HPSE2: variants seen among roughly 807,000 people sequenced by gnomAD.
HPSE2 encodes the protein inactive heparanase-2.
HPSE2 carries 38 observed loss-of-function variants against 60.5 expected under a neutral mutation model. The observed-to-expected ratio is 0.63, with a 90% CI of 0.48 to 0.82. The LOEUF (loss-of-function observed/expected upper bound fraction) is 0.82. Among genes scored for constraint, HPSE2 ranks in the 40% least tolerant of loss-of-function variants. HPSE2 has a pLI of 0.00. For synonymous variants in HPSE2, 295 were observed against 293.2 expected (o/e 1.01, Z -0.06); for missense variants, 713 against 740.4 (o/e 0.96, Z 0.43).
intron 3 of HPSE2, among the ~76,000 whole-genome samples, chr10:99,140,517 A>C (rs1021809348): frequency 1.3e-5 from 2 of 152,208 alleles, no homozygotes; most frequent in African/African-American, 2.4e-5. Context: ...AGAATGCTGC[A>C]CACATATGAT....
At chr10:99,288,317 A>G in the HPSE2 span, among the ~76,000 whole-genome samples, 11 of 152,176 alleles carry the variant, frequency 7.2e-5, no homozygotes, top group African/African-American at 1.4e-4. Flanking sequence ...TAGCTTACAC[A>G]TAAGTTCCAT....
At chr10:98,985,753 T>C (rs1412669448) in intron 3 of HPSE2, among the ~76,000 whole-genome samples, 1 of 152,032 alleles carries the variant, frequency 6.6e-6, no homozygotes, top group Non-Finnish European at 1.5e-5. Context: ...ACCCATCTCA[T>C]ATGCAGAGAC....
chr10:99,293,119 T>C, the HPSE2 span, among the ~76,000 whole-genome samples: 1 of 152,136 alleles, frequency 6.6e-6, no homozygotes, highest in Non-Finnish European at 1.5e-5. Flanking sequence ...TAGCTACCCA[T>C]ACCCCACATA....
At chr10:99,112,420 TTGTTTTGTTTTG>T (rs910759286) in intron 3 of HPSE2, among the ~76,000 whole-genome samples, 2 of 18,466 alleles carry the variant, frequency 1.1e-4, no homozygotes, top group African/African-American at 1.3e-4. Context: ...TTGTTGTGTT[TTGTTTTGTTTTG>T]TTTTGTTTTG....
In HPSE2 at chr10:98,693,958, T is replaced by C; in HGVS notation, c.957-11A>G. ...GCCACCTTCATGAATCTGTAAGGAA[T>C]AGAAAGAAAAAAGATATTACAACTT... is the stretch of plus-strand genomic sequence containing the variant. On this transcript the variant is annotated splice_polypyrimidine_tract_variant and intron_variant, in intron 5 of 11. Coordinates refer to ENST00000370552, the MANE Select transcript of HPSE2 (RefSeq NM_021828.5). The C allele has an allele frequency of 5.0e-6, 8 of 1,586,984 alleles. No individual in the cohort carries two copies. Among genetic ancestry groups the C allele is most frequent in the Non-Finnish European group, 6.9e-6 (8 of 1,160,236 alleles).
intron 3 of HPSE2, among the ~76,000 whole-genome samples, chr10:98,792,086 C>G (rs1205823776): frequency 6.6e-6 from 1 of 152,056 alleles, no homozygotes; most frequent in Non-Finnish European, 1.5e-5. Flanking sequence ...TAATATTGAG[C>G]TAAACCAAAA....
intron 2 of HPSE2, among the ~76,000 whole-genome samples, chr10:99,226,036 A>G (rs536211168): frequency 9.2e-5 from 14 of 152,164 alleles, no homozygotes; most frequent in African/African-American, 3.4e-4. Flanking sequence ...TTTAACAAAA[A>G]TGTGTAAATA....
At chr10:99,132,494 G>A (rs945334262) in intron 3 of HPSE2, among the ~76,000 whole-genome samples, 2 of 152,124 alleles carry the variant, frequency 1.3e-5, no homozygotes, top group African/African-American at 2.4e-5. Context: ...ATCTCCCAGC[G>A]AGATCGATGC....
intron 3 of HPSE2, among the ~76,000 whole-genome samples, chr10:99,119,063 GAGAGAAAGAAAGAA>G (rs536892602): frequency 0.011 from 1,448 of 127,802 alleles, 20 homozygotes; most frequent in African/African-American, 0.036. Flanking sequence ...GAAAGAAAGA[GAGAGAAAGAAAGAA>G]AGAGAAAGAA....
chr10:98,940,457 C>T lies in HPSE2; in HGVS notation c.611-196401G>A, dbSNP rs375690924. ...CCATCAGAGAATACTACAAACACCTCTACGCAAATAAACTAGAAAATCTAG... is the reference window on the plus strand; with the variant it reads ...CCATCAGAGAATACTACAAACACCTTTACGCAAATAAACTAGAAAATCTAG... On this transcript the variant is annotated intron_variant, in intron 3 of 11. Coordinates refer to ENST00000370552, the MANE Select transcript of HPSE2 (RefSeq NM_021828.5). Among the ~76,000 whole-genome samples the T allele has an allele frequency of 9.7e-4, 139 of 143,918 alleles. 12 individuals are homozygous for T. In the East Asian group the frequency reaches 0.026, roughly 27 times the overall value. The allele number at this position is 143,918 out of a possible 152,430, so 94.4% of individuals were successfully genotyped here. A position where few individuals can be genotyped will look rare whatever the true frequency, so the allele number is the denominator to read the frequency against.
At chr10:99,191,303 C>T (rs540487369) in intron 2 of HPSE2, among the ~76,000 whole-genome samples, 1 of 152,120 alleles carries the variant, frequency 6.6e-6, no homozygotes, top group African/African-American at 2.4e-5. Flanking sequence ...GAACTGTCAC[C>T]GAGACCCAAT....
At chr10:98,505,075 C>T (rs1319726318) in intron 9 of HPSE2, among the ~76,000 whole-genome samples, 1 of 152,112 alleles carries the variant, frequency 6.6e-6, no homozygotes, top group East Asian at 1.9e-4. Context: ...TGTGAACATC[C>T]TACAATTTAT....
At chr10:98,801,996 C>G (rs118140384) in intron 3 of HPSE2, among the ~76,000 whole-genome samples, 183 of 152,146 alleles carry the variant, frequency 1.2e-3, no homozygotes, top group East Asian at 0.01. Context: ...AAAACATAGA[C>G]CAACAGAACA....
intron 3 of HPSE2, among the ~76,000 whole-genome samples, chr10:98,888,424 A>T (rs1011791025): frequency 1.3e-4 from 20 of 152,134 alleles, no homozygotes; most frequent in African/African-American, 4.8e-4. Context: ...GACTATCCTA[A>T]TTTTTGTACT....
At chr10:98,890,246 A>G (rs1469633496) in intron 3 of HPSE2, among the ~76,000 whole-genome samples, 5 of 152,204 alleles carry the variant, frequency 3.3e-5, no homozygotes, top group Non-Finnish European at 7.3e-5. Context: ...AGAAATCATT[A>G]TAAGAAAAAA....
At chr10:98,732,676 C>T (rs1019032370) in intron 4 of HPSE2, among the ~76,000 whole-genome samples, 1 of 151,994 alleles carries the variant, frequency 6.6e-6, no homozygotes, top group African/African-American at 2.4e-5. Context: ...AACAATGAAA[C>T]TTTTAGAAGA....
chr10:98,459,858 G>C, intron 11 of HPSE2, 119 bp from the exon 12 acceptor site: 1 of 959,362 alleles, frequency 1.0e-6, no homozygotes, highest in Non-Finnish European at 1.6e-6. Flanking sequence ...GACACTTATT[G>C]TTACTGGCTA....
At chr10:98,505,912 C>T (rs1327425021) in intron 9 of HPSE2, among the ~76,000 whole-genome samples, 1 of 152,066 alleles carries the variant, frequency 6.6e-6, no homozygotes, top group Non-Finnish European at 1.5e-5. Flanking sequence ...GTTTTAATTA[C>T]CATTGTTTTA....
chr10:98,754,623 C>T (rs1949835664), intron 3 of HPSE2, among the ~76,000 whole-genome samples: 1 of 151,076 alleles, frequency 6.6e-6, no homozygotes, highest in Admixed American at 6.6e-5. Context: ...GGCAGGTCAC[C>T]TACAGAGGGA....
Sources: gnomAD v4.1 joint callset for allele counts (sites outside exome capture counted in the v4.1 genomes callset) on GRCh38, gnomAD v4.1.1 for gene constraint, MANE v1.5 for transcripts, NCBI Gene and HGNC (gene_info 2026-07-23, HGNC 2026-07-21) for gene names.